IL1RAPL1: variants seen among roughly 807,000 people sequenced by gnomAD.
IL1RAPL1 encodes the protein interleukin 1 receptor accessory protein like 1.
A neutral mutation model predicts 48.4 loss-of-function variants in IL1RAPL1; 3 were observed. That is an observed-to-expected ratio of 0.06 (90% CI 0.03 to 0.16). The LOEUF (loss-of-function observed/expected upper bound fraction) is 0.16. Among genes scored for constraint, IL1RAPL1 ranks in the 10% least tolerant of loss-of-function variants. IL1RAPL1 has a pLI of 1.00. For missense variants in IL1RAPL1, 349 were observed against 530.6 expected (o/e 0.66, Z 3.36); for synonymous variants, 185 against 187.7 (o/e 0.99, Z 0.12).
intron 3 of IL1RAPL1, among the ~76,000 whole-genome samples, chrX:29,359,204 A>G (rs1301002281): frequency 2.7e-5 from 3 of 111,433 alleles, no homozygotes; most frequent in Non-Finnish European, 5.7e-5. Flanking sequence ...TTTTAGAACA[A>G]ATTCCTTACT....
intron 2 of IL1RAPL1, among the ~76,000 whole-genome samples, chrX:28,924,301 G>T (rs1247894546): frequency 1.8e-5 from 2 of 111,703 alleles, no homozygotes; most frequent in Non-Finnish European, 3.8e-5. Context: ...TAAATATGAG[G>T]AATATTTTAG....
At chrX:29,341,787 A>G (rs944089978) in intron 3 of IL1RAPL1, among the ~76,000 whole-genome samples, 16 of 110,914 alleles carry the variant, frequency 1.4e-4, no homozygotes, top group Non-Finnish European at 2.5e-4. Flanking sequence ...ATACTGATGT[A>G]CCGTGATTGC....
rs1248862150 is a variant in IL1RAPL1, at chrX:28,824,973, A to G, written c.82+35548A>G. Among the ~76,000 whole-genome samples, 3 of 111,470 alleles carry G rather than the reference A, an allele frequency of 2.7e-5. No individual in the cohort carries two copies. In the East Asian group the frequency reaches 8.5e-4, roughly 32 times the overall value. ...ATATTGACTGAGAAACACTGTGCCA[A>G]TGTTATGAAGGGTATGCAGATGTGT... is the stretch of plus-strand genomic sequence containing the variant. On this transcript the variant is annotated intron_variant, in intron 2 of 10. Transcript: ENST00000378993.
At chrX:29,355,032 A>G (rs1052388655) in intron 3 of IL1RAPL1, among the ~76,000 whole-genome samples, 1 of 112,011 alleles carries the variant, frequency 8.9e-6, no homozygotes, top group Non-Finnish European at 1.9e-5. Flanking sequence ...CAGGAAAAGT[A>G]CAGTAAACAA....
intron 2 of IL1RAPL1, among the ~76,000 whole-genome samples, chrX:29,264,449 G>A (rs1931916651): frequency 9.0e-6 from 1 of 110,781 alleles, no homozygotes; most frequent in Non-Finnish European, 1.9e-5. Context: ...AGAAGTGGAA[G>A]AAGGGAAATT....
chrX:28,819,351 A>T (rs1489323833), intron 2 of IL1RAPL1, among the ~76,000 whole-genome samples: 5 of 111,245 alleles, frequency 4.5e-5, no homozygotes, highest in Non-Finnish European at 9.5e-5. Context: ...GAGCAAGCTA[A>T]TTAATTTATT....
At position 28,903,424 on chromosome X, in the gene IL1RAPL1, CTTTTTTTTT is replaced by C. The variant is rs199661606; in HGVS notation, c.82+114007_82+114015del. On this transcript the variant is annotated intron_variant, in intron 2 of 10. Transcript: ENST00000378993. The stretch of plus-strand genomic sequence containing the variant: ...CTTCAGTCATGTATTTTCTTTCTTT[CTTTTTTTTT>C]TTTTTTTGTTTTGATCACAGGCATG... Among the ~76,000 whole-genome samples the C allele has an allele frequency of 3.0e-5, 3 of 100,134 alleles. No individual in the cohort carries two copies. The South Asian group carries it at 1.4e-3, about 46-fold the overall frequency. The allele number at this position is 100,134 out of a possible 115,157, so 87.0% of individuals were successfully genotyped here. A position where few individuals can be genotyped will look rare whatever the true frequency, so the allele number is the denominator to read the frequency against.
intron 2 of IL1RAPL1, among the ~76,000 whole-genome samples, chrX:28,987,243 T>G (rs914672911): frequency 3.6e-5 from 4 of 112,435 alleles, no homozygotes; most frequent in African/African-American, 9.7e-5. Context: ...ATCCTGGATC[T>G]ATCAGAGATT....
At chrX:28,998,095 A>G (rs763298841) in intron 2 of IL1RAPL1, among the ~76,000 whole-genome samples, 1 of 112,194 alleles carries the variant, frequency 8.9e-6, no homozygotes, top group African/African-American at 3.2e-5. Flanking sequence ...TGTTGTACTT[A>G]GAGAAGTTAA....
At chrX:29,361,412 T>G (rs1312050041) in intron 3 of IL1RAPL1, among the ~76,000 whole-genome samples, 1 of 111,648 alleles carries the variant, frequency 9.0e-6, no homozygotes, top group South Asian at 3.7e-4. Context: ...CAGTCACAGA[T>G]GGAGTCATTA....
At chrX:28,805,759 C>T (rs916431347) in intron 2 of IL1RAPL1, among the ~76,000 whole-genome samples, 3 of 110,494 alleles carry the variant, frequency 2.7e-5, no homozygotes, top group Non-Finnish European at 3.8e-5. Flanking sequence ...AATATATGAT[C>T]GCTGCATTTT....
At chrX:29,891,218 A>G (rs1422747877) in intron 6 of IL1RAPL1, among the ~76,000 whole-genome samples, 1 of 106,670 alleles carries the variant, frequency 9.4e-6, no homozygotes, top group Non-Finnish European at 1.9e-5. Flanking sequence ...TTTATGAACT[A>G]TTCAAATCAA....
chrX:29,054,663 G>A (rs1397198424), intron 2 of IL1RAPL1, among the ~76,000 whole-genome samples: 1 of 111,659 alleles, frequency 9.0e-6, no homozygotes, highest in African/African-American at 3.3e-5. Flanking sequence ...TTAGTTGGCA[G>A]TTTCAGATTA....
At chrX:28,622,306 G>T (rs371292171) in intron 1 of IL1RAPL1, among the ~76,000 whole-genome samples, 2 of 111,280 alleles carry the variant, frequency 1.8e-5, no homozygotes, top group East Asian at 2.8e-4. Flanking sequence ...TATTGCTTAA[G>T]AAATTTATGT....
chrX:29,647,152 C>T (rs1011482266), intron 5 of IL1RAPL1, among the ~76,000 whole-genome samples: 4 of 111,627 alleles, frequency 3.6e-5, no homozygotes, highest in African/African-American at 1.3e-4. Flanking sequence ...GAGTTCAAGA[C>T]CAGCCAGGCC....
intron 6 of IL1RAPL1, among the ~76,000 whole-genome samples, chrX:29,745,922 C>A (rs1247828557): frequency 9.0e-6 from 1 of 111,631 alleles, no homozygotes; most frequent in Non-Finnish European, 1.9e-5. Context: ...TATTTTCGTT[C>A]TCAGCAAGTA....
chrX:28,592,838 A>C (rs16988273), intron 1 of IL1RAPL1, among the ~76,000 whole-genome samples: 2 of 111,715 alleles, frequency 1.8e-5, no homozygotes, highest in African/African-American at 6.5e-5. Context: ...GATGAATTTC[A>C]TTATGCATGT....
chrX:29,115,122 T>A (rs764430355), intron 2 of IL1RAPL1, among the ~76,000 whole-genome samples: 1 of 112,409 alleles, frequency 8.9e-6, no homozygotes, highest in Non-Finnish European at 1.9e-5. Flanking sequence ...AATTTTCAAA[T>A]GTATTTTCAG....
At chrX:29,329,736 C>T (rs938145048) in intron 3 of IL1RAPL1, among the ~76,000 whole-genome samples, 6 of 108,638 alleles carry the variant, frequency 5.5e-5, no homozygotes, top group African/African-American at 1.7e-4. Flanking sequence ...TCGCTTGAAC[C>T]CAGGAGGCGA....
Sources: allele counts gnomAD v4.1 joint callset (sites outside exome capture counted in the v4.1 genomes callset), GRCh38; gene constraint gnomAD v4.1.1; transcripts MANE v1.5; gene names NCBI Gene and HGNC (gene_info 2026-07-23, HGNC 2026-07-21).